The following SLC45A2 variants were observed in gnomAD, a reference collection of about 807,000 sequenced individuals.
SLC45A2 encodes the protein solute carrier family 45 member 2, also known as membrane-associated transporter protein.
SLC45A2 carries 36 observed loss-of-function variants against 45.5 expected under a neutral mutation model. The observed-to-expected ratio is 0.79, with a 90% CI of 0.61 to 1.04. SLC45A2 has a LOEUF of 1.04. SLC45A2 is among the 50% of genes least tolerant of loss of function. The probability of loss-of-function intolerance (pLI) is 0.00; values close to 1 mark genes in which losing one functional copy is unlikely to be tolerated. For synonymous variants in SLC45A2, 306 were observed against 269.3 expected, an observed-to-expected ratio of 1.14 and a Z score of -1.33; for missense variants, 719 against 671.0, an observed-to-expected ratio of 1.07 and a Z score of -0.79.
chr5:33,956,391 G>A (rs548546026), intron 3 of SLC45A2, among the ~76,000 whole-genome samples: 12 of 152,242 alleles, frequency 7.9e-5, no homozygotes, highest in African/African-American at 2.2e-4. Context: ...AATGGCTACC[G>A]AGAGGTAGAA....
intron 3 of SLC45A2, among the ~76,000 whole-genome samples, chr5:33,961,390 CTT>C (rs780404130): frequency 4.6e-5 from 7 of 152,164 alleles, no homozygotes; most frequent in Non-Finnish European, 1.0e-4. Flanking sequence ...GCTTTCCTAA[CTT>C]TATTTCTAAA....
At chr5:33,975,481 C>G (rs114963934) in intron 2 of SLC45A2, among the ~76,000 whole-genome samples, 1 of 152,026 alleles carries the variant, frequency 6.6e-6, no homozygotes, top group African/African-American at 2.4e-5. Flanking sequence ...GGTAAAATTG[C>G]GAGCAGGCAT....
Position 33,947,263 on chromosome 5 carries a change from G to A in SLC45A2, c.1268C>T (p.Ser423Phe), listed in dbSNP as rs201560110. The A allele has an allele frequency of 4.6e-5, 74 of 1,614,074 alleles. No homozygotes were observed. Among genetic ancestry groups the A allele is most frequent in the Non-Finnish European group, 5.8e-5 (69 of 1,180,048 alleles). The change falls in exon 6 of 7, where the codon TCC becomes TTC. Residue 423 changes from serine (S) to phenylalanine (F), a missense_variant. Ser to Phe is a radical substitution (Grantham distance 155, BLOSUM62 -2). Transcript: ENST00000296589. ...GFIGLFPNVY[S>F]TLVLCSLFGV... Reference sequence around the variant, plus strand: ...AAACAGGCTGCACAGGACCAGGGTGGAGTAGACATTCGGGAAGAGCCCAAT... The same window carrying A: ...AAACAGGCTGCACAGGACCAGGGTGAAGTAGACATTCGGGAAGAGCCCAAT...
chr5:33,946,055 C>T, intron 6 of SLC45A2: 1 of 985,398 alleles, frequency 1.0e-6, no homozygotes, highest in Non-Finnish European at 1.2e-6. Flanking sequence ...AACTAATAAA[C>T]AAGTAAATAA....
chr5:33,945,802 A>T (rs1751904422), intron 6 of SLC45A2: 2 of 359,928 alleles, frequency 5.6e-6, no homozygotes, highest in Non-Finnish European at 7.7e-6. Context: ...TTAGGCAAAA[A>T]AAAAGCATTA....
At position 33,971,305 on chromosome 5, in the gene SLC45A2, A is replaced by G. The variant is rs181367172; in HGVS notation, c.563-7289T>C. The stretch of plus-strand genomic sequence containing the variant: ...TAGATGTGGGAATTGAGGGGTTACC[A>G]CTTACAAACCCAGTTATTCCAACTT... On this transcript the variant is annotated intron_variant, in intron 2 of 6. Coordinates refer to ENST00000296589, the MANE Select transcript of SLC45A2 (RefSeq NM_016180.5). The G allele has an allele frequency of 5.0e-5, 26 of 520,584 alleles. No homozygotes were observed. The East Asian group carries it at 1.3e-3, about 25-fold the overall frequency. 32.2% of individuals were successfully genotyped at this position (520,584 alleles called of 1,614,324 possible).
intron 2 of SLC45A2, among the ~76,000 whole-genome samples, chr5:33,979,756 G>C (rs1005799899): frequency 2.6e-5 from 4 of 152,144 alleles, no homozygotes; most frequent in African/African-American, 9.7e-5. Flanking sequence ...GGTATAATGA[G>C]GCATGTCCAA....
At position 33,951,362 on chromosome 5, in the gene SLC45A2, A is replaced by G; in HGVS notation, c.1156+192T>C. 2.1e-6 allele frequency: 3 copies of G among 1,438,698 alleles called. No homozygotes were observed. The South Asian group carries it at 4.2e-5, about 20-fold the overall frequency. The allele number at this position is 1,438,698 out of a possible 1,614,324, so 89.1% of individuals were successfully genotyped here. A position where few individuals can be genotyped will look rare whatever the true frequency, so the allele number is the denominator to read the frequency against. ...GAGCAAAGTAATCAGTGAGGAAATG[A>G]CACCTAGAATTCATGATGAAAAAAG... On this transcript the variant is annotated intron_variant, in intron 5 of 6. Transcript: ENST00000296589.
At chr5:33,979,330 G>A (rs1386879073) in intron 2 of SLC45A2, among the ~76,000 whole-genome samples, 1 of 152,202 alleles carries the variant, frequency 6.6e-6, no homozygotes, top group East Asian at 1.9e-4. Flanking sequence ...AGACTTGGAA[G>A]CAATAGAAGA....
At chr5:33,954,595 G>T (rs561532554) in intron 3 of SLC45A2, 91 bp from the exon 4 acceptor site, 2 of 1,558,594 alleles carry the variant, frequency 1.3e-6, no homozygotes, top group African/African-American at 1.3e-5. Flanking sequence ...TTATGTATTT[G>T]TCAGTCAGCC....
At chr5:33,976,309 A>T (rs1291952215) in intron 2 of SLC45A2, among the ~76,000 whole-genome samples, 1 of 152,190 alleles carries the variant, frequency 6.6e-6, no homozygotes, top group Admixed American at 6.5e-5. Flanking sequence ...TCATTCACAC[A>T]TCCCTTATCC....
chr5:33,982,198 G>T, intron 2 of SLC45A2, 38 bp downstream of exon 2: 1 of 1,610,916 alleles, frequency 6.2e-7, no homozygotes, highest in South Asian at 1.1e-5. Context: ...CTCATTGTCT[G>T]GGGAGCTGAA....
chr5:33,976,539 T>G (rs913943309), intron 2 of SLC45A2, among the ~76,000 whole-genome samples: 9 of 151,888 alleles, frequency 5.9e-5, no homozygotes, highest in African/African-American at 2.2e-4. Context: ...GAGCCAACTT[T>G]CCCTTTGCCA....
At chr5:33,957,361 T>G (rs1752304491) in intron 3 of SLC45A2, among the ~76,000 whole-genome samples, 1 of 152,196 alleles carries the variant, frequency 6.6e-6, no homozygotes, top group South Asian at 2.1e-4. Flanking sequence ...TTTATACTTC[T>G]TAACCTTATA....
At chr5:33,983,156 A>G (rs1753131614) in intron 1 of SLC45A2, among the ~76,000 whole-genome samples, 1 of 152,258 alleles carries the variant, frequency 6.6e-6, no homozygotes, top group Non-Finnish European at 1.5e-5. Context: ...AACAGCACTG[A>G]TGCAGTAACC....
chr5:33,970,829 G>C (rs766926877), intron 2 of SLC45A2: 2 of 311,728 alleles, frequency 6.4e-6, no homozygotes, highest in Non-Finnish European at 1.3e-5. Context: ...TAGAGAGACA[G>C]ACAATAAACA....
At chr5:33,952,429 ACACT>A (rs1752135757) in intron 4 of SLC45A2, among the ~76,000 whole-genome samples, 1 of 151,630 alleles carries the variant, frequency 6.6e-6, no homozygotes, top group African/African-American at 2.4e-5. Context: ...GGTATTACAA[ACACT>A]CAATTATGAG....
chr5:33,945,090 T>C (rs1751882738), intron 6 of SLC45A2, among the ~76,000 whole-genome samples: 1 of 152,234 alleles, frequency 6.6e-6, no homozygotes, highest in Admixed American at 6.5e-5. Context: ...TGGACATTAT[T>C]AGCATTTGAT....
At chr5:33,947,671 G>A (rs1751979576) in intron 5 of SLC45A2, among the ~76,000 whole-genome samples, 1 of 152,158 alleles carries the variant, frequency 6.6e-6, no homozygotes, top group Non-Finnish European at 1.5e-5. Flanking sequence ...GAAAGGTGGT[G>A]GAAAATCTGA....
Sources: gnomAD v4.1 joint callset for allele counts (sites outside exome capture counted in the v4.1 genomes callset) on GRCh38, gnomAD v4.1.1 for gene constraint, MANE v1.5 for transcripts, NCBI Gene and HGNC (gene_info 2026-07-23, HGNC 2026-07-21) for gene names.